Variants in UGT2B10 observed in about 807,000 individuals in gnomAD.
The protein encoded by UGT2B10 is UDP-glucuronosyltransferase 2B10.
Under a neutral mutation model 43.7 loss-of-function variants are expected in UGT2B10, and 51 were observed. The observed-to-expected ratio is 1.17, with a 90% CI of 0.93 to 1.47. The LOEUF (loss-of-function observed/expected upper bound fraction) is 1.47, where lower values mean the gene tolerates loss of function less well. Among genes scored for constraint, UGT2B10 ranks in the 40% most tolerant of loss-of-function variants. UGT2B10 has a pLI of 0.00. For synonymous variants in UGT2B10, 225 were observed against 209.0 expected (o/e 1.08, Z -0.66); for missense variants, 696 against 617.7 (o/e 1.13, Z -1.34).
At chr4:68,823,061 A>G (rs1429050276) in intron 3 of UGT2B10, among the ~76,000 whole-genome samples, 1 of 152,146 alleles carries the variant, frequency 6.6e-6, no homozygotes, top group Non-Finnish European at 1.5e-5. Context: ...ACAAATAGAG[A>G]AGACTGGCTC....
intron 4 of UGT2B10, among the ~76,000 whole-genome samples, chr4:68,827,099 A>T (rs1041554026): frequency 6.6e-6 from 1 of 152,116 alleles, no homozygotes. Flanking sequence ...GCTCTTTTTC[A>T]TTAGTCCAAC....
Position 68,817,611 on chromosome 4 carries a change from GTAAAC to G in UGT2B10, c.719-415_719-411del, listed in dbSNP as rs541446919. Among the ~76,000 whole-genome samples the G allele has an allele frequency of 2.2e-3, 328 of 151,766 alleles. 3 individuals are homozygous for G. The highest frequency in any genetic ancestry group is 3.6e-3 in the Non-Finnish European group (245 of 67,786). On this transcript the variant is annotated intron_variant, in intron 1 of 5. Coordinates refer to ENST00000265403, the MANE Select transcript of UGT2B10 (RefSeq NM_001075.6). ...TAAAAGGATTAGCTTAATGAGTTGT[GTAAAC>G]TAGACTATTTGTTAGAAAATTGTTT...
chr4:68,827,626 T>A, intron 5 of UGT2B10, 78 bp downstream of exon 5: 3 of 1,561,674 alleles, frequency 1.9e-6, no homozygotes, highest in Non-Finnish European at 2.6e-6. Flanking sequence ...AGTTTCATCC[T>A]TTTTATAAGA....
At chr4:68,830,009 C>G (rs1160994295) in intron 5 of UGT2B10, among the ~76,000 whole-genome samples, 2 of 152,028 alleles carry the variant, frequency 1.3e-5, no homozygotes, top group Non-Finnish European at 2.9e-5. Flanking sequence ...AGCCAAGTGA[C>G]TAGCTATGAG....
Position 68,816,508 on chromosome 4 carries a change from T to C in UGT2B10, c.489T>C (p.Phe163=). The C allele has an allele frequency of 1.2e-6, 2 of 1,613,266 alleles. No homozygotes were observed. Among genetic ancestry groups the C allele is most frequent in the Non-Finnish European group, 1.7e-6 (2 of 1,179,448 alleles). ...LPCGELLAEL[F]NIPFVYSHSF... is the part of the protein sequence containing the mutation. The stretch of plus-strand genomic sequence containing the variant: ...GTGGTGAGCTGCTGGCTGAGCTATT[T>C]AACATACCCTTTGTGTACAGTCACA... The change falls in exon 1 of 6, where the codon TTT becomes TTC. Residue 163 remains phenylalanine (F), a synonymous_variant. Coordinates refer to ENST00000265403, the MANE Select transcript of UGT2B10 (RefSeq NM_001075.6).
In UGT2B10 at chr4:68,816,158, CA is replaced by C. The variant is rs1737185430; in HGVS notation, c.140del (p.Gln47ArgfsTer6). ...GAAGACAATCCTGAAAGAACTTGTT[CA>C]GAGAGGTCATGAGGTGACTGTACTG... The part of the protein sequence containing the change: ...NMKTILKELV[Q>X]RGHEVTVLAS... On this transcript the variant is annotated frameshift_variant, in exon 1 of 6. Coordinates refer to ENST00000265403, the MANE Select transcript of UGT2B10 (RefSeq NM_001075.6). LOFTEE classifies it high-confidence loss of function. 4 of 1,613,230 alleles carry C rather than the reference CA, an allele frequency of 2.5e-6. No homozygotes were observed. In the East Asian group the frequency reaches 8.9e-5, roughly 36 times the overall value.
intron 5 of UGT2B10, 33 bp from the exon 6 acceptor site, chr4:68,830,567 T>A: frequency 6.3e-7 from 1 of 1,576,164 alleles, no homozygotes; most frequent in Non-Finnish European, 8.6e-7. Flanking sequence ...TTAACTTACT[T>A]TCAGTGTCGG....
intron 3 of UGT2B10, among the ~76,000 whole-genome samples, chr4:68,823,702 A>C (rs1218918033): frequency 2.0e-5 from 3 of 152,148 alleles, no homozygotes; most frequent in Non-Finnish European, 4.4e-5. Context: ...AACTTTATGA[A>C]TATGACAAAT....
rs1305248685 is a variant in UGT2B10, at chr4:68,830,708, C to T, written c.1416C>T (p.Ala472=). The change falls in exon 6 of 6, where the codon GCC becomes GCT. Residue 472 remains alanine, a synonymous_variant. Transcript: ENST00000265403. Reference sequence around the variant, plus strand: ...AATTTGTCATGCGCCACAAAGGAGCCAAACATCTTCGAGTTGCAGCCCACA... The same window carrying T: ...AATTTGTCATGCGCCACAAAGGAGCTAAACATCTTCGAGTTGCAGCCCACA... ...WIEFVMRHKG[A]KHLRVAAHNL... is the part of the protein sequence containing the mutation. The T allele has an allele frequency of 1.9e-6, 3 of 1,613,396 alleles. No homozygotes were observed. The highest frequency in any genetic ancestry group is 2.5e-6 in the Non-Finnish European group (3 of 1,179,506).
At chr4:68,830,132 C>T (rs535721526) in intron 5 of UGT2B10, among the ~76,000 whole-genome samples, 21 of 152,048 alleles carry the variant, frequency 1.4e-4, no homozygotes, top group South Asian at 6.2e-4. Context: ...ATGTTGAGCA[C>T]GTTCTAATAT....
chr4:68,831,147 A>T lies in UGT2B10; in HGVS notation c.*268A>T, dbSNP rs868331406. 1 of 416,304 alleles carries T rather than the reference A, an allele frequency of 2.4e-6. No homozygotes were observed. The highest frequency in any genetic ancestry group is 4.2e-5 in the Admixed American group (1 of 23,682). The allele number at this position is 416,304 out of a possible 1,614,324, so 25.8% of individuals were successfully genotyped here. ...TTGTATTGAAATTTGTTGCACTTAT[A>T]TTGAAATGTGATCATGGCTCACTTC... is the stretch of plus-strand genomic sequence containing the variant. On this transcript the variant is annotated 3_prime_UTR_variant, in exon 6 of 6. Coordinates refer to ENST00000265403, the MANE Select transcript of UGT2B10 (RefSeq NM_001075.6).
In UGT2B10 at chr4:68,822,311, T is replaced by C. The variant is rs192891076; in HGVS notation, c.908T>C (p.Val303Ala). ...GTACAGAGCTCTGGAGAAAATGGTG[T>C]TGTGGTGTTTTCTCTGGGGTCAATG... ...EFVQSSGENG[V>A]VVFSLGSMVS... is the part of the protein sequence containing the mutation. The change falls in exon 3 of 6, where the codon GTT becomes GCT. Residue 303 changes from valine to alanine, a missense_variant. Val to Ala is a moderately conservative substitution (Grantham distance 64, BLOSUM62 0). Coordinates refer to ENST00000265403, the MANE Select transcript of UGT2B10 (RefSeq NM_001075.6). 40 of 1,613,322 alleles carry C rather than the reference T, an allele frequency of 2.5e-5. No homozygotes were observed. The Middle Eastern group carries it at 5.2e-4, about 21-fold the overall frequency.
chr4:68,827,909 G>C (rs1202244496), intron 5 of UGT2B10, among the ~76,000 whole-genome samples: 1 of 150,390 alleles, frequency 6.6e-6, no homozygotes, highest in African/African-American at 2.4e-5. Context: ...AAATGTCTCA[G>C]AATATAACTA....
intron 3 of UGT2B10, among the ~76,000 whole-genome samples, chr4:68,824,779 GT>G (rs1737686630): frequency 6.6e-6 from 1 of 152,096 alleles, no homozygotes; most frequent in South Asian, 2.1e-4. Context: ...TCAAAGCTTT[GT>G]AGCACCTTGT....
rs763944771 is a variant in UGT2B10, at chr4:68,830,854, A to G, written c.1562A>G (p.Lys521Arg). 1.2e-6 allele frequency: 2 copies of G among 1,613,038 alleles called. No homozygotes were observed. The highest frequency in any genetic ancestry group is 2.2e-5 in the South Asian group (2 of 91,046). ...CLFCFWKFAR[K>R]GKKGKRD is the part of the protein sequence containing the mutation. ...TTTTGTTTCTGGAAGTTTGCTAGAAAAGGAAAGAAGGGAAAAAGGGATTAG... is the reference window on the plus strand; with the variant it reads ...TTTTGTTTCTGGAAGTTTGCTAGAAGAGGAAAGAAGGGAAAAAGGGATTAG... Residue 521 changes from lysine (K) to arginine (R), a missense_variant, in exon 6 of 6, where the codon AAA becomes AGA. Lys to Arg is a conservative substitution (Grantham distance 26). Transcript: ENST00000265403.
At chr4:68,823,078 T>C (rs542991193) in intron 3 of UGT2B10, among the ~76,000 whole-genome samples, 42 of 152,282 alleles carry the variant, frequency 2.8e-4, no homozygotes, top group South Asian at 1.0e-3. Context: ...GCTCTGGTGG[T>C]CATTATGCAG....
chr4:68,822,638 T>C (rs1377693887), intron 3 of UGT2B10, among the ~76,000 whole-genome samples: 1 of 152,090 alleles, frequency 6.6e-6, no homozygotes, highest in Non-Finnish European at 1.5e-5. Flanking sequence ...CCTATTAGCA[T>C]CAGTGGGAAC....
chr4:68,826,467 T>C lies in UGT2B10; in HGVS notation c.1057T>C (p.Tyr353His). 1.9e-6 allele frequency: 3 copies of C among 1,612,480 alleles called. No individual in the cohort carries two copies. Among genetic ancestry groups the C allele is most frequent in the Non-Finnish European group, 1.7e-6 (2 of 1,179,176 alleles). The part of the protein sequence containing the change: ...PDALGLNTRL[Y>H]KWIPQNDLLG... Reference sequence around the variant, plus strand: ...TGCCTTAGGTCTCAATACTCGACTGTACAAGTGGATACCCCAGAATGACCT... The same window carrying C: ...TGCCTTAGGTCTCAATACTCGACTGCACAAGTGGATACCCCAGAATGACCT... The change falls in exon 4 of 6, where the codon TAC (tyrosine) becomes CAC (histidine). Residue 353 changes from tyrosine (Y) to histidine (H), a missense_variant. By Grantham distance (83) the Tyr-to-His change is moderately conservative. Coordinates refer to ENST00000265403, the MANE Select transcript of UGT2B10 (RefSeq NM_001075.6).
rs570048733 is a variant in UGT2B10, at chr4:68,827,572, T to A, written c.1307+24T>A. 356 of 1,612,618 alleles carry A rather than the reference T, an allele frequency of 2.2e-4. 3 individuals carry two copies. The South Asian group carries it at 3.7e-3, about 17-fold the overall frequency. On this transcript the variant is annotated intron_variant, in intron 5 of 5. Coordinates refer to ENST00000265403, the MANE Select transcript of UGT2B10 (RefSeq NM_001075.6). ...TCGTGAGTAGAACAATATTTTTCAC[T>A]AGATGGTATTAATAGATAGCTTTTC...
Sources: allele counts gnomAD v4.1 joint callset (sites outside exome capture counted in the v4.1 genomes callset), GRCh38; gene constraint gnomAD v4.1.1; transcripts MANE v1.5; gene names NCBI Gene and HGNC (gene_info 2026-07-23, HGNC 2026-07-21).